ALK: variants seen among roughly 807,000 people sequenced by gnomAD.
The protein encoded by ALK is ALK receptor tyrosine kinase, also known as ALK tyrosine kinase receptor.
ALK carries 74 observed loss-of-function variants against 163.1 expected under a neutral mutation model. The observed-to-expected ratio is 0.45, with a 90% CI of 0.38 to 0.55. ALK has a LOEUF of 0.55. Among genes scored for constraint, ALK ranks in the 20% least tolerant of loss-of-function variants. ALK has a pLI of 0.00. For synonymous variants in ALK, 960 were observed against 843.2 expected, an observed-to-expected ratio of 1.14 and a Z score of -2.40; for missense variants, 2,063 against 2,105.3, an observed-to-expected ratio of 0.98 and a Z score of 0.39.
chr2:29,450,963 C>G lies in ALK; in HGVS notation c.1155-67104G>C, dbSNP rs114427260. Among the ~76,000 whole-genome samples, 790 of 152,182 alleles carry G rather than the reference C, an allele frequency of 5.2e-3. 9 individuals carry two copies. The highest frequency in any genetic ancestry group is 0.017 in the African/African-American group (703 of 41,538). On this transcript the variant is annotated intron_variant, in intron 4 of 28. Transcript: ENST00000389048. Reference sequence around the variant, plus strand: ...GGACTCCACATTTTAATAAGCTGCTCGAGGTGACTTTTATGAGCCCTAAAG... The same window carrying G: ...GGACTCCACATTTTAATAAGCTGCTGGAGGTGACTTTTATGAGCCCTAAAG...
intron 11 of ALK, among the ~76,000 whole-genome samples, chr2:29,257,888 G>A (rs747094824): frequency 6.6e-5 from 10 of 152,190 alleles, no homozygotes; most frequent in Non-Finnish European, 1.3e-4. Flanking sequence ...ACCGAGGCTG[G>A]AGTACAGTAG....
In ALK at chr2:29,328,425, T is replaced by C; in HGVS notation, c.1339A>G (p.Thr447Ala). Residue 447 changes from threonine (T) to alanine (A), a missense_variant, in exon 6 of 29, where the codon ACA (threonine) becomes GCA (alanine). Thr to Ala is a moderately conservative substitution (Grantham distance 58, BLOSUM62 0). Around this residue, in one of 5 missense-constraint regions of ALK, gnomAD observed 987 missense variants for 939.5 expected, o/e 1.05. Transcript: ENST00000389048. ...CAGGCCTGCCCAAGCTGGAGGACTGTCCCATTCCAACAAGTGAAGGAGCTC... is the reference window on the plus strand; with the variant it reads ...CAGGCCTGCCCAAGCTGGAGGACTGCCCCATTCCAACAAGTGAAGGAGCTC... The part of the protein sequence containing the change: ...LQSSFTCWNG[T>A]VLQLGQACDF... The C allele has an allele frequency of 6.2e-7, 1 of 1,614,180 alleles. No homozygotes were observed. The highest frequency in any genetic ancestry group is 8.5e-7 in the Non-Finnish European group (1 of 1,180,018).
chr2:29,371,403 A>T (rs2148293197), intron 5 of ALK, among the ~76,000 whole-genome samples: 1 of 152,316 alleles, frequency 6.6e-6, no homozygotes, highest in African/African-American at 2.4e-5. Context: ...ACTCTGGAAG[A>T]CTTCAGCGTG....
chr2:29,457,693 T>C (rs1016057567), intron 4 of ALK, among the ~76,000 whole-genome samples: 1 of 152,144 alleles, frequency 6.6e-6, no homozygotes, highest in East Asian at 1.9e-4. Flanking sequence ...CATATAGAGA[T>C]AAATAAAACC....
At chr2:29,523,765 C>A (rs1408608574) in intron 4 of ALK, among the ~76,000 whole-genome samples, 1 of 151,128 alleles carries the variant, frequency 6.6e-6, no homozygotes, top group East Asian at 1.9e-4. Flanking sequence ...ACATCCAGGG[C>A]AGAGTGAGAA....
At chr2:29,893,125 G>A (rs1436691970) in intron 1 of ALK, among the ~76,000 whole-genome samples, 3 of 152,130 alleles carry the variant, frequency 2.0e-5, no homozygotes, top group Non-Finnish European at 4.4e-5. Context: ...CAGCTTTAGG[G>A]ATTCTTCTCA....
chr2:29,748,705 G>C (rs903064722), intron 1 of ALK, among the ~76,000 whole-genome samples: 3 of 152,058 alleles, frequency 2.0e-5, no homozygotes, highest in Non-Finnish European at 2.9e-5. Flanking sequence ...CAGTGATTCA[G>C]AAGAAGGCGC....
At chr2:29,614,897 C>T (rs1395688431) in intron 3 of ALK, among the ~76,000 whole-genome samples, 1 of 152,178 alleles carries the variant, frequency 6.6e-6, no homozygotes, top group Non-Finnish European at 1.5e-5. Flanking sequence ...TTCTCCAGCC[C>T]GTATGGTGAA....
intron 11 of ALK, among the ~76,000 whole-genome samples, chr2:29,267,012 A>C (rs1665239743): frequency 6.6e-6 from 1 of 152,194 alleles, no homozygotes; most frequent in South Asian, 2.1e-4. Context: ...TCTAACCAAC[A>C]GAATATGGCA....
chr2:29,578,397 G>T (rs911466866), intron 3 of ALK, among the ~76,000 whole-genome samples: 2 of 152,218 alleles, frequency 1.3e-5, no homozygotes, highest in African/African-American at 2.4e-5. Flanking sequence ...GGGAGAGGTT[G>T]CAGGGTATGG....
chr2:29,591,494 C>T (rs1359067528), intron 3 of ALK, among the ~76,000 whole-genome samples: 3 of 152,004 alleles, frequency 2.0e-5, no homozygotes, highest in African/African-American at 7.2e-5. Context: ...ACCCCAGGGC[C>T]GTGAAACATT....
chr2:29,525,205 G>A (rs1490726350), intron 4 of ALK, among the ~76,000 whole-genome samples: 1 of 152,174 alleles, frequency 6.6e-6, no homozygotes, highest in African/African-American at 2.4e-5. Context: ...GGCAGGATTA[G>A]GCCAGGGTTG....
chr2:29,917,971 C>T (rs919632218), intron 1 of ALK, among the ~76,000 whole-genome samples: 1 of 152,188 alleles, frequency 6.6e-6, no homozygotes, highest in African/African-American at 2.4e-5. Flanking sequence ...TGAGGGAGGG[C>T]TTGGGATGCC....
intron 1 of ALK, among the ~76,000 whole-genome samples, chr2:29,736,868 A>G (rs887769146): frequency 1.3e-5 from 2 of 152,236 alleles, no homozygotes; most frequent in East Asian, 3.9e-4. Flanking sequence ...TATGGATCAG[A>G]AGTCTTAAAA....
intron 5 of ALK, among the ~76,000 whole-genome samples, chr2:29,366,709 T>C (rs368187915): frequency 5.9e-5 from 9 of 152,288 alleles, no homozygotes; most frequent in South Asian, 4.2e-4. Context: ...TTCCCATGTT[T>C]ACTTACACTT....
chr2:29,635,001 C>T (rs1042922484), intron 3 of ALK, among the ~76,000 whole-genome samples: 1 of 151,992 alleles, frequency 6.6e-6, no homozygotes. Context: ...CAATGAACAC[C>T]CAGGCATCAA....
At chr2:29,324,578 A>G (rs1487536685) in intron 6 of ALK, among the ~76,000 whole-genome samples, 4 of 152,230 alleles carry the variant, frequency 2.6e-5, no homozygotes, top group African/African-American at 9.6e-5. Context: ...TCCCCAGCAC[A>G]CAGATGAGAT....
intron 9 of ALK, among the ~76,000 whole-genome samples, chr2:29,288,867 G>A (rs761739159): frequency 1.4e-4 from 21 of 150,552 alleles, no homozygotes; most frequent in South Asian, 2.1e-4. Flanking sequence ...CAGGAGAATC[G>A]CTTGAACCCA....
intron 4 of ALK, among the ~76,000 whole-genome samples, chr2:29,452,332 G>GTTTT (rs66533654): frequency 2.1e-5 from 3 of 146,102 alleles, no homozygotes; most frequent in African/African-American, 7.6e-5. Context: ...AGTTTTTTTT[G>GTTTT]TTTTTTTTTT....
Sources: allele counts gnomAD v4.1 joint callset (sites outside exome capture counted in the v4.1 genomes callset), GRCh38; gene constraint gnomAD v4.1.1; regional missense constraint gnomAD v4.1.1; transcripts MANE v1.5; gene names NCBI Gene and HGNC (gene_info 2026-07-23, HGNC 2026-07-21).